ARHGEF3: variants seen among roughly 807,000 people sequenced by gnomAD.
The protein encoded by ARHGEF3 is Rho guanine nucleotide exchange factor 3.
A neutral mutation model predicts 63.2 loss-of-function variants in ARHGEF3; 28 were observed. The ratio of observed to expected loss-of-function variants is 0.44; its 90% CI spans 0.33 to 0.61. The LOEUF (loss-of-function observed/expected upper bound fraction) is 0.61. ARHGEF3 is among the 20% of genes least tolerant of loss of function. The pLI is 0.03. For synonymous variants in ARHGEF3, 266 were observed against 254.2 expected, an observed-to-expected ratio of 1.05 and a Z score of -0.44; for missense variants, 533 against 659.3, an observed-to-expected ratio of 0.81 and a Z score of 2.10.
intron 1 of ARHGEF3, among the ~76,000 whole-genome samples, chr3:57,076,498 CTGGTTCTCTGCCCCCTCTCCTCCAA>C (rs1025642407): frequency 6.6e-6 from 1 of 152,162 alleles, no homozygotes; most frequent in African/African-American, 2.4e-5. Context: ...GGGACTACAT[CTGGTTCTCTGCCCCCTCTCCTCCAA>C]TGGTTCTCTG....
intron 4 of ARHGEF3, among the ~76,000 whole-genome samples, chr3:56,872,773 GTT>G (rs2040472197): frequency 6.6e-6 from 1 of 152,178 alleles, no homozygotes; most frequent in Non-Finnish European, 1.5e-5. Flanking sequence ...CTCCTAACGT[GTT>G]GGGATTATAG....
chr3:56,819,268 C>T (rs1228170951), intron 4 of ARHGEF3, among the ~76,000 whole-genome samples: 1 of 152,170 alleles, frequency 6.6e-6, no homozygotes, highest in African/African-American at 2.4e-5. Context: ...GGGCTGTCAA[C>T]ATAAGAGGAC....
At chr3:56,936,645 T>C (rs78817119) in intron 3 of ARHGEF3, among the ~76,000 whole-genome samples, 2,336 of 152,290 alleles carry the variant, frequency 0.015, 57 homozygotes, top group African/African-American at 0.053. Context: ...ACAAGAAATA[T>C]ATAGAGCTGA....
At chr3:57,016,038 T>G (rs1341934059) in intron 2 of ARHGEF3, among the ~76,000 whole-genome samples, 1 of 152,126 alleles carries the variant, frequency 6.6e-6, no homozygotes, top group Non-Finnish European at 1.5e-5. Flanking sequence ...GAGCAGACCA[T>G]GCCCCTACAG....
At chr3:56,956,676 C>T (rs1332212676) in intron 3 of ARHGEF3, among the ~76,000 whole-genome samples, 1 of 152,144 alleles carries the variant, frequency 6.6e-6, no homozygotes, top group Non-Finnish European at 1.5e-5. Context: ...AGTCCCTGGG[C>T]AAACTTGGAT....
At chr3:56,744,031 C>A (rs1397469958) in intron 7 of ARHGEF3, among the ~76,000 whole-genome samples, 4 of 152,070 alleles carry the variant, frequency 2.6e-5, no homozygotes, top group Admixed American at 1.3e-4. Flanking sequence ...AATTGCATGA[C>A]AAAGGAAAAA....
chr3:56,732,752 C>A (rs1232633240), intron 8 of ARHGEF3, among the ~76,000 whole-genome samples: 1 of 151,922 alleles, frequency 6.6e-6, no homozygotes, highest in Non-Finnish European at 1.5e-5. Flanking sequence ...TGCCCCAGCT[C>A]CTATAAGAAA....
rs76393360 is a variant in ARHGEF3, at chr3:56,969,009, G to A, written c.63-10120C>T. Among the ~76,000 whole-genome samples, 724 of 152,306 alleles carry A rather than the reference G, an allele frequency of 4.8e-3. 11 individuals are homozygous for A. Among genetic ancestry groups the A allele is most frequent in the African/African-American group, 0.017 (688 of 41,564 alleles). On this transcript the variant is annotated intron_variant, in intron 2 of 12. Transcript: ENST00000338458. ...ATTGAGAACCCCTGCTAAAAACGAC[G>A]CATTCTCCAAAAGGATGTTAGTGTC... is the stretch of plus-strand genomic sequence containing the variant.
chr3:57,028,598 C>T (rs1703578377), intron 2 of ARHGEF3, among the ~76,000 whole-genome samples: 1 of 128,508 alleles, frequency 7.8e-6, no homozygotes, highest in South Asian at 2.9e-4. Context: ...TGCTAGATGA[C>T]AAGTTAGTGG....
intron 4 of ARHGEF3, among the ~76,000 whole-genome samples, chr3:56,875,605 A>G (rs2040562172): frequency 6.6e-6 from 1 of 152,240 alleles, no homozygotes; most frequent in South Asian, 2.1e-4. Flanking sequence ...GGCATCACAC[A>G]TCTGAGATAA....
intron 7 of ARHGEF3, among the ~76,000 whole-genome samples, chr3:56,739,301 T>C (rs2033849683): frequency 6.6e-6 from 1 of 152,102 alleles, no homozygotes; most frequent in Admixed American, 6.6e-5. Context: ...AAAAGCAAGG[T>C]TCCAAAAGAG....
At chr3:56,989,078 C>T (rs1005016994) in intron 2 of ARHGEF3, among the ~76,000 whole-genome samples, 5 of 152,156 alleles carry the variant, frequency 3.3e-5, no homozygotes, top group African/African-American at 1.2e-4. Context: ...GTGAAGAGTG[C>T]CCTCTGCTGG....
At chr3:57,053,474 G>C (rs1379296080) in intron 1 of ARHGEF3, among the ~76,000 whole-genome samples, 3 of 152,122 alleles carry the variant, frequency 2.0e-5, no homozygotes, top group Non-Finnish European at 4.4e-5. Context: ...AAGTTTCTAT[G>C]TGTTCTTTGT....
chr3:56,788,979 C>G (rs1345640973), intron 1 of ARHGEF3, among the ~76,000 whole-genome samples: 1 of 152,010 alleles, frequency 6.6e-6, no homozygotes, highest in East Asian at 1.9e-4. Flanking sequence ...CTAAGTATAA[C>G]CACCTATAGC....
chr3:56,911,211 G>C (rs1220587790), intron 3 of ARHGEF3, among the ~76,000 whole-genome samples: 2 of 152,124 alleles, frequency 1.3e-5, no homozygotes, highest in African/African-American at 4.8e-5. Context: ...GGTGGGGTCT[G>C]TGAGAGGTAA....
chr3:56,784,765 G>A (rs894623028), intron 1 of ARHGEF3, among the ~76,000 whole-genome samples: 1 of 152,160 alleles, frequency 6.6e-6, no homozygotes, highest in Admixed American at 6.6e-5. Context: ...GGCCCAAAGA[G>A]TGCATTGATT....
At chr3:56,746,950 T>C (rs914453430) in intron 6 of ARHGEF3, among the ~76,000 whole-genome samples, 3 of 152,170 alleles carry the variant, frequency 2.0e-5, no homozygotes, top group Non-Finnish European at 2.9e-5. Context: ...AAATCTCTAC[T>C]TGTGTTAAAG....
intron 2 of ARHGEF3, among the ~76,000 whole-genome samples, chr3:56,985,725 C>T (rs13079044): frequency 0.22 from 33,084 of 152,188 alleles, 3,833 homozygotes; most frequent in Middle Eastern, 0.38. Flanking sequence ...GATCCCCTCA[C>T]GCACATTCAC....
intron 3 of ARHGEF3, among the ~76,000 whole-genome samples, chr3:56,946,538 T>G (rs1337719124): frequency 1.8e-4 from 28 of 151,958 alleles, no homozygotes; most frequent in Admixed American, 1.8e-3. Context: ...TGATGGAACA[T>G]CAAATGAATG....
Sources: allele counts gnomAD v4.1 joint callset (sites outside exome capture counted in the v4.1 genomes callset), GRCh38; gene constraint gnomAD v4.1.1; transcripts MANE v1.5; gene names NCBI Gene and HGNC (gene_info 2026-07-23, HGNC 2026-07-21).